The following FBXL5 variants were observed in gnomAD, a reference collection of about 807,000 sequenced individuals.
FBXL5 encodes F-box and leucine rich repeat protein 5, also known as F-box/LRR-repeat protein 5.
In FBXL5, 26 loss-of-function variants were observed where a neutral mutation model predicts 78.3. The ratio of observed to expected loss-of-function variants is 0.33; its 90% confidence interval spans 0.24 to 0.46. FBXL5 has a LOEUF of 0.46. Ranked by LOEUF, FBXL5 falls within the 20% of genes least tolerant of loss-of-function variation. The probability of loss-of-function intolerance (pLI) is 1.00; values close to 1 mark genes in which losing one functional copy is unlikely to be tolerated. For synonymous variants in FBXL5, 295 were observed against 282.5 expected (o/e 1.04, Z -0.45); for missense variants, 710 against 829.2 (o/e 0.86, Z 1.77).
intron 4 of FBXL5, 78 bp downstream of exon 4, chr4:15,638,430 C>T: frequency 9.0e-7 from 1 of 1,110,150 alleles, no homozygotes; most frequent in Non-Finnish European, 1.2e-6. Flanking sequence ...ATTCCTCAAC[C>T]AAAATCTACA....
intron 1 of FBXL5, among the ~76,000 whole-genome samples, chr4:15,665,644 C>A (rs998029185): frequency 1.3e-5 from 2 of 152,042 alleles, no homozygotes; most frequent in Non-Finnish European, 2.9e-5. Flanking sequence ...ATACTAGAGC[C>A]CCGACATGTT....
chr4:15,628,156 C>A, intron 6 of FBXL5, 123 bp from the exon 7 acceptor site: 3 of 947,818 alleles, frequency 3.2e-6, no homozygotes, highest in Non-Finnish European at 4.6e-6. Context: ...TTATGTAAAC[C>A]ATCCCATTTT....
intron 1 of FBXL5, among the ~76,000 whole-genome samples, chr4:15,667,427 A>G (rs1292659269): frequency 6.6e-6 from 1 of 151,968 alleles, no homozygotes. Flanking sequence ...TATTCATTTC[A>G]TCCAAATGAG....
chr4:15,674,840 G>T (rs560091689), intron 1 of FBXL5, among the ~76,000 whole-genome samples: 188 of 152,144 alleles, frequency 1.2e-3, no homozygotes, highest in African/African-American at 4.3e-3. Context: ...TAGTAGAGAC[G>T]GGGTTTCACC....
Position 15,655,263 on chromosome 4 carries a change from CCA to C in FBXL5, c.23_24del (p.Val8GlyfsTer23). On this transcript the variant is annotated frameshift_variant, in exon 1 of 11. Transcript: ENST00000341285. LOFTEE classifies it high-confidence loss of function. MAPFPEE[V>X]DVFTAPHWRM... ...CGCCAGTGTGGGGCGGTGAAGACGT[CCA>C]CTTCTTCAGGAAAGGGCGCCATCGC... The C allele has an allele frequency of 6.9e-7, 1 of 1,440,222 alleles. No individual in the cohort carries two copies. Among genetic ancestry groups the C allele is most frequent in the Non-Finnish European group, 9.3e-7 (1 of 1,077,428 alleles). The allele number at this position is 1,440,222 out of a possible 1,614,324, so 89.2% of individuals were successfully genotyped here. A position where few individuals can be genotyped will look rare whatever the true frequency, so the allele number is the denominator to read the frequency against.
At chr4:15,624,660 CAGAA>C (rs1577439810) in intron 9 of FBXL5, among the ~76,000 whole-genome samples, 4 of 128,806 alleles carry the variant, frequency 3.1e-5, no homozygotes, top group Admixed American at 7.6e-5. Flanking sequence ...AAAAAAAAAA[CAGAA>C]AAGAAAATGT....
At chr4:15,663,106 A>G, upstream of FBXL5, among the ~76,000 whole-genome samples, 1 of 152,196 alleles carries the variant, frequency 6.6e-6, no homozygotes, top group East Asian at 1.9e-4. Flanking sequence ...AAGTTTACAT[A>G]TGTTTATTCT....
upstream of FBXL5, among the ~76,000 whole-genome samples, chr4:15,662,841 G>C (rs1717377775): frequency 2.0e-5 from 3 of 152,082 alleles, no homozygotes. Context: ...GAACAAGTTT[G>C]TGGCTAAACA....
At position 15,628,785 on chromosome 4, in the gene FBXL5, A is replaced by ACACACACACACACG. The variant is rs10682962; in HGVS notation, c.893-753_893-752insCGTGTGTGTGTGTG. Among the ~76,000 whole-genome samples, 198 of 98,232 alleles carry ACACACACACACACG rather than the reference A, an allele frequency of 2.0e-3. 2 individuals carry two copies. The highest frequency in any genetic ancestry group is 5.8e-3 in the African/African-American group (170 of 29,468). The allele number at this position is 98,232 out of a possible 152,430, so 64.4% of individuals were successfully genotyped here. A position where few individuals can be genotyped will look rare whatever the true frequency, so the allele number is the denominator to read the frequency against. On this transcript the variant is annotated intron_variant, in intron 6 of 10. Coordinates refer to ENST00000341285, the MANE Select transcript of FBXL5 (RefSeq NM_012161.4). ...TAGCCAGACACAGACACACACACAC[A>ACACACACACACACG]CACGCACACACACACACACGAAGAT...
chr4:15,619,962 G>C (rs927366989), intron 9 of FBXL5, among the ~76,000 whole-genome samples: 1 of 152,158 alleles, frequency 6.6e-6, no homozygotes, highest in African/African-American at 2.4e-5. Context: ...CCAGCTACTA[G>C]GGTGGCTGAG....
intron 1 of FBXL5, among the ~76,000 whole-genome samples, chr4:15,680,787 T>A (rs1718214985): frequency 6.6e-6 from 1 of 152,024 alleles, no homozygotes; most frequent in Middle Eastern, 3.4e-3. Context: ...TAAAGTCGCA[T>A]TAAGTTTCAG....
At chr4:15,659,915 A>G (rs760520202), upstream of FBXL5, 6 of 155,230 alleles carry the variant, frequency 3.9e-5, no homozygotes, top group Non-Finnish European at 8.5e-5. Flanking sequence ...AGAAAGTATC[A>G]CAAGTTTCTG....
At chr4:15,645,121 C>A (rs1008316259) in intron 1 of FBXL5, among the ~76,000 whole-genome samples, 1 of 151,738 alleles carries the variant, frequency 6.6e-6, no homozygotes, top group African/African-American at 2.4e-5. Flanking sequence ...GCTACTAACA[C>A]CATACCTCCT....
At chr4:15,667,681 T>C (rs760343363) in intron 1 of FBXL5, among the ~76,000 whole-genome samples, 19 of 152,128 alleles carry the variant, frequency 1.2e-4, no homozygotes, top group Non-Finnish European at 2.8e-4. Flanking sequence ...GAGAAGCAAT[T>C]AATGATGAAG....
At chr4:15,680,305 T>G (rs1718175043) in intron 1 of FBXL5, among the ~76,000 whole-genome samples, 1 of 152,186 alleles carries the variant, frequency 6.6e-6, no homozygotes. Context: ...AAGTGTTTCT[T>G]GCTGCATTTC....
chr4:15,653,838 G>C (rs982898743), intron 1 of FBXL5, among the ~76,000 whole-genome samples: 14 of 152,180 alleles, frequency 9.2e-5, no homozygotes, highest in Admixed American at 2.6e-4. Flanking sequence ...CACTCAAATG[G>C]AGAGCTTTAA....
chr4:15,657,485 A>C (rs1231525463), upstream of FBXL5, among the ~76,000 whole-genome samples: 2 of 152,238 alleles, frequency 1.3e-5, no homozygotes, highest in Non-Finnish European at 2.9e-5. Context: ...AGACACATTA[A>C]AAAGGTATTT....
intron 2 of FBXL5, chr4:15,641,726 G>C: frequency 2.5e-6 from 1 of 404,692 alleles, no homozygotes; most frequent in South Asian, 1.8e-5. Flanking sequence ...AGGGTCAACT[G>C]TACCTGTTAA....
chr4:15,622,654 TTG>T (rs758458396), intron 9 of FBXL5, among the ~76,000 whole-genome samples: 138 of 151,104 alleles, frequency 9.1e-4, no homozygotes, highest in Non-Finnish European at 1.8e-3. Context: ...AGGCAGAGAA[TTG>T]TCTTAGTTAC....
Sources: allele counts gnomAD v4.1 joint callset (sites outside exome capture counted in the v4.1 genomes callset), GRCh38; gene constraint gnomAD v4.1.1; transcripts MANE v1.5; gene names NCBI Gene and HGNC (gene_info 2026-07-23, HGNC 2026-07-21).